The following ZMYM4 variants were observed in gnomAD, a reference collection of about 807,000 sequenced individuals.
The protein encoded by ZMYM4 is zinc finger MYM-type containing 4, also known as zinc finger MYM-type protein 4.
ZMYM4 carries 31 observed loss-of-function variants against 183.2 expected under a neutral mutation model. The observed-to-expected ratio is 0.17, with a 90% CI of 0.13 to 0.23. The LOEUF is 0.23. Among genes scored for constraint, ZMYM4 ranks in the 10% least tolerant of loss-of-function variants. The pLI is 1.00. For missense variants in ZMYM4, 1,273 were observed against 1,840.3 expected, an observed-to-expected ratio of 0.69 and a Z score of 5.64; for synonymous variants, 592 against 631.2, an observed-to-expected ratio of 0.94 and a Z score of 0.93.
chr1:35,392,098 G>A, intron 15 of ZMYM4, 114 bp from the exon 16 acceptor site: 1 of 1,368,616 alleles, frequency 7.3e-7, no homozygotes, highest in South Asian at 1.3e-5. Context: ...GTGACTTTTT[G>A]CTCCAACAGA....
chr1:35,295,559 A>G (rs1056742829), intron 1 of ZMYM4, among the ~76,000 whole-genome samples: 15 of 152,162 alleles, frequency 9.9e-5, no homozygotes, highest in African/African-American at 3.4e-4. Context: ...TATCTACTAG[A>G]TTTCAACAGC....
At position 35,303,340 on chromosome 1, in the gene ZMYM4, T is replaced by C. The variant is rs147499443; in HGVS notation, c.40-22020T>C. 2.6e-5 allele frequency among the ~76,000 whole-genome samples: 4 copies of C among 152,110 alleles called. No individual in the cohort carries two copies. The East Asian group carries it at 7.7e-4, about 29-fold the overall frequency. ...AAATTGCTTATAGTATTTCTTTATA[T>C]TCCTTGTAATGTCTGTAGATTTGTA... On this transcript the variant is annotated intron_variant, in intron 1 of 29. Coordinates refer to ENST00000314607, the MANE Select transcript of ZMYM4 (RefSeq NM_005095.3).
intron 1 of ZMYM4, among the ~76,000 whole-genome samples, chr1:35,289,481 A>G (rs1047325897): frequency 1.3e-5 from 2 of 152,088 alleles, no homozygotes; most frequent in Admixed American, 6.5e-5. Context: ...GAGATAGGAA[A>G]ACTGGGGAAA....
chr1:35,356,221 CAACT>C (rs150063808), intron 2 of ZMYM4, among the ~76,000 whole-genome samples: 1 of 152,246 alleles, frequency 6.6e-6, no homozygotes, highest in African/African-American at 2.4e-5. Flanking sequence ...AAAAATGAAC[CAACT>C]AACTAAATAA....
Position 35,394,162 on chromosome 1 carries a change from C to CTTTTTTTTTTTTTTTTTT in ZMYM4, c.2911+436_2911+453dup, listed in dbSNP as rs34277367. Among the ~76,000 whole-genome samples, 4 of 68,430 alleles carry CTTTTTTTTTTTTTTTTTT rather than the reference C, an allele frequency of 5.8e-5. No homozygotes were observed. The East Asian group carries it at 1.5e-3, about 26-fold the overall frequency. 44.9% of individuals were successfully genotyped at this position (68,430 alleles called of 152,430 possible). On this transcript the variant is annotated intron_variant, in intron 18 of 29. Transcript: ENST00000314607. ...CCTTTGAGGAGAGCTTCAGAGCTTT[C>CTTTTTTTTTTTTTTTTTT]TTTTTTTTTTTTTTTTTTTTTTTTT... is the stretch of plus-strand genomic sequence containing the variant.
intron 26 of ZMYM4, among the ~76,000 whole-genome samples, chr1:35,411,796 A>T (rs1639908859): frequency 6.6e-6 from 1 of 152,178 alleles, no homozygotes; most frequent in Non-Finnish European, 1.5e-5. Flanking sequence ...TTGTGGTTTT[A>T]AGTGTGTAAG....
At chr1:35,340,410 G>A (rs1188227189) in intron 2 of ZMYM4, among the ~76,000 whole-genome samples, 1 of 151,950 alleles carries the variant, frequency 6.6e-6, no homozygotes. Context: ...CATTTATTGT[G>A]CACTTTATTT....
At chr1:35,286,582 CTCTG>C (rs1403927672) in intron 1 of ZMYM4, among the ~76,000 whole-genome samples, 2 of 149,906 alleles carry the variant, frequency 1.3e-5, no homozygotes, top group Non-Finnish European at 3.0e-5. Flanking sequence ...GCCTGCCTGC[CTCTG>C]TCTGCCTATT....
At chr1:35,342,350 A>G (rs993584629) in intron 2 of ZMYM4, among the ~76,000 whole-genome samples, 1 of 151,522 alleles carries the variant, frequency 6.6e-6, no homozygotes, top group East Asian at 1.9e-4. Context: ...TTGTAGAGAG[A>G]AGGTCTTTCT....
intron 2 of ZMYM4, among the ~76,000 whole-genome samples, chr1:35,327,977 T>C (rs1642576080): frequency 1.3e-5 from 2 of 152,192 alleles, no homozygotes; most frequent in South Asian, 4.1e-4. Flanking sequence ...CTACTCACTT[T>C]CGCCAAATAA....
At chr1:35,300,362 C>CT (rs1269279367) in intron 1 of ZMYM4, among the ~76,000 whole-genome samples, 1 of 152,180 alleles carries the variant, frequency 6.6e-6, no homozygotes, top group African/African-American at 2.4e-5. Flanking sequence ...TAAGAATTCT[C>CT]TATCACTTTT....
intron 1 of ZMYM4, among the ~76,000 whole-genome samples, chr1:35,295,261 A>G (rs1408983790): frequency 6.6e-6 from 1 of 152,214 alleles, no homozygotes; most frequent in East Asian, 1.9e-4. Context: ...TTAAGCAAAG[A>G]TCTGAAAGAA....
In ZMYM4 at chr1:35,380,930, A is replaced by G. The variant is rs1301107069; in HGVS notation, c.1182-329A>G. ...TTTAAAGAATATTTTGAAAATACAG[A>G]TAATTCTAGAAAAGAAAAATCTCGT... On this transcript the variant is annotated intron_variant, in intron 7 of 29. Transcript: ENST00000314607. Among the ~76,000 whole-genome samples, 6 of 152,338 alleles carry G rather than the reference A, an allele frequency of 3.9e-5. No individual in the cohort carries two copies. The East Asian group carries it at 1.2e-3, about 29-fold the overall frequency.
chr1:35,274,632 A>G (rs965496123), intron 1 of ZMYM4, among the ~76,000 whole-genome samples: 9 of 151,466 alleles, frequency 5.9e-5, no homozygotes, highest in African/African-American at 2.2e-4. Flanking sequence ...AAAAAAAAAA[A>G]AAGGAGAGGC....
intron 1 of ZMYM4, among the ~76,000 whole-genome samples, chr1:35,278,221 C>G (rs1291719937): frequency 6.7e-6 from 1 of 149,462 alleles, no homozygotes; most frequent in East Asian, 2.2e-4. Flanking sequence ...GTTCTCAGCT[C>G]AAGATCCTTA....
chr1:35,379,248 G>A (rs1000044025), intron 7 of ZMYM4, among the ~76,000 whole-genome samples: 1 of 151,968 alleles, frequency 6.6e-6, no homozygotes, highest in East Asian at 1.9e-4. Context: ...CTACAGTCAC[G>A]CGCCACCACG....
At chr1:35,403,267 A>T (rs1644943791) in intron 23 of ZMYM4, among the ~76,000 whole-genome samples, 1 of 152,062 alleles carries the variant, frequency 6.6e-6, no homozygotes, top group South Asian at 2.1e-4. Context: ...TTGGTTTGCT[A>T]ATATTCTGCG....
At chr1:35,319,712 A>G (rs1470263789) in intron 1 of ZMYM4, among the ~76,000 whole-genome samples, 1 of 152,202 alleles carries the variant, frequency 6.6e-6, no homozygotes, top group Non-Finnish European at 1.5e-5. Context: ...TTGAAAAACT[A>G]AGGGACATCC....
In ZMYM4 at chr1:35,302,200, C is replaced by CTTTTTTTTTTTTTTT. The variant is rs576277396; in HGVS notation, c.40-23149_40-23135dup. 2.7e-4 allele frequency among the ~76,000 whole-genome samples: 16 copies of CTTTTTTTTTTTTTTT among 58,548 alleles called. 2 individuals are homozygous for CTTTTTTTTTTTTTTT. The highest frequency in any genetic ancestry group is 9.7e-4 in the African/African-American group (15 of 15,522). The allele number at this position is 58,548 out of a possible 152,430, so 38.4% of individuals were successfully genotyped here. On this transcript the variant is annotated intron_variant, in intron 1 of 29. Coordinates refer to ENST00000314607, the MANE Select transcript of ZMYM4 (RefSeq NM_005095.3). The stretch of plus-strand genomic sequence containing the variant: ...ATCCACAAGCTAAAAACGGCTCTTG[C>CTTTTTTTTTTTTTTT]TTTTTTTTTTTTTTTTTTTTTTTTT...
Sources: gnomAD v4.1 joint callset for allele counts (sites outside exome capture counted in the v4.1 genomes callset) on GRCh38, gnomAD v4.1.1 for gene constraint, MANE v1.5 for transcripts, NCBI Gene and HGNC (gene_info 2026-07-23, HGNC 2026-07-21) for gene names.